The following NPAS3 variants were observed in gnomAD, a reference collection of about 807,000 sequenced individuals.
NPAS3 encodes neuronal PAS domain-containing protein 3.
NPAS3 carries 14 observed loss-of-function variants against 73.1 expected under a neutral mutation model. That is an observed-to-expected ratio of 0.19 (90% CI 0.13 to 0.30). The LOEUF (loss-of-function observed/expected upper bound fraction) is 0.30, where lower values mean the gene tolerates loss of function less well. Among genes scored for constraint, NPAS3 ranks in the 10% least tolerant of loss-of-function variants. The pLI is 1.00. For synonymous variants in NPAS3, 620 were observed against 541.5 expected (o/e 1.14, Z -2.01); for missense variants, 1,096 against 1,250.0 (o/e 0.88, Z 1.86).
intron 4 of NPAS3, among the ~76,000 whole-genome samples, chr14:33,549,255 G>A (rs1018562683): frequency 3.9e-5 from 6 of 152,024 alleles, no homozygotes; most frequent in Non-Finnish European, 7.4e-5. Flanking sequence ...CTTTTGAGAC[G>A]GGGTCTCACT....
chr14:33,308,527 T>TATATATATATATAGACACAC, intron 3 of NPAS3, among the ~76,000 whole-genome samples: 1 of 103,724 alleles, frequency 9.6e-6, no homozygotes, highest in African/African-American at 4.6e-5. Context: ...TATATATATA[T>TATATATATATATAGACACAC]ACATACACAC....
chr14:33,459,732 G>A (rs944673433), intron 4 of NPAS3, among the ~76,000 whole-genome samples: 2 of 152,138 alleles, frequency 1.3e-5, no homozygotes, highest in African/African-American at 4.8e-5. Context: ...TATTTTGAAG[G>A]CAAACATTGT....
At chr14:33,648,873 C>T (rs2058909604) in intron 5 of NPAS3, among the ~76,000 whole-genome samples, 1 of 152,158 alleles carries the variant, frequency 6.6e-6, no homozygotes, top group Admixed American at 6.5e-5. Flanking sequence ...GTCAATGTCC[C>T]ATTGGTGCTG....
intron 3 of NPAS3, among the ~76,000 whole-genome samples, chr14:33,236,014 C>T (rs1400587347): frequency 6.6e-6 from 1 of 151,608 alleles, no homozygotes; most frequent in Non-Finnish European, 1.5e-5. Context: ...CTGGTCACAA[C>T]ATGATACAAT....
intron 1 of NPAS3, among the ~76,000 whole-genome samples, chr14:33,050,455 C>T (rs1307208252): frequency 6.6e-6 from 1 of 152,170 alleles, no homozygotes; most frequent in Non-Finnish European, 1.5e-5. Context: ...CCTCCCCTGG[C>T]TCCTTGTCCC....
intron 5 of NPAS3, among the ~76,000 whole-genome samples, chr14:33,661,549 A>G (rs2059308801): frequency 6.6e-6 from 1 of 152,214 alleles, no homozygotes; most frequent in African/African-American, 2.4e-5. Flanking sequence ...GAATATTACA[A>G]TACATATTAT....
intron 4 of NPAS3, among the ~76,000 whole-genome samples, chr14:33,417,668 T>C (rs938847040): frequency 6.6e-6 from 1 of 152,024 alleles, no homozygotes; most frequent in Non-Finnish European, 1.5e-5. Context: ...CACCAGGTCA[T>C]TGATACTATT....
chr14:33,558,001 A>G (rs2055443626), intron 4 of NPAS3, among the ~76,000 whole-genome samples: 1 of 152,204 alleles, frequency 6.6e-6, no homozygotes, highest in African/African-American at 2.4e-5. Context: ...TAATAATACT[A>G]TAATTTCATA....
At chr14:33,771,759 C>T (rs920275536) in intron 7 of NPAS3, among the ~76,000 whole-genome samples, 1 of 151,586 alleles carries the variant, frequency 6.6e-6, no homozygotes, top group Non-Finnish European at 1.5e-5. Context: ...TGCAGTGAGC[C>T]GAGATCACGC....
intron 2 of NPAS3, among the ~76,000 whole-genome samples, chr14:33,169,141 T>G (rs905341742): frequency 6.6e-6 from 1 of 152,214 alleles, no homozygotes; most frequent in African/African-American, 2.4e-5. Flanking sequence ...GGCAAAATGA[T>G]AGCTTTTCCT....
intron 9 of NPAS3, among the ~76,000 whole-genome samples, chr14:33,786,786 A>G (rs1016566214): frequency 1.1e-4 from 17 of 152,298 alleles, no homozygotes; most frequent in South Asian, 1.0e-3. Flanking sequence ...CTTGAGTTTC[A>G]TTGCCCAGTG....
intron 4 of NPAS3, among the ~76,000 whole-genome samples, chr14:33,447,327 T>C (rs1241504540): frequency 6.6e-6 from 1 of 152,172 alleles, no homozygotes; most frequent in Non-Finnish European, 1.5e-5. Context: ...ACAACCTGGC[T>C]ATAGTTTAGA....
intron 4 of NPAS3, among the ~76,000 whole-genome samples, chr14:33,503,619 T>C (rs7158891): frequency 0.53 from 80,189 of 151,636 alleles, 21,529 homozygotes; most frequent in South Asian, 0.69. Context: ...AGCCTTATAT[T>C]CTCATATATA....
chr14:33,101,325 C>T (rs1032675869), intron 2 of NPAS3, among the ~76,000 whole-genome samples: 1 of 151,956 alleles, frequency 6.6e-6, no homozygotes, highest in Non-Finnish European at 1.5e-5. Flanking sequence ...AGTTATAAAT[C>T]CTTATCTTTA....
At chr14:33,528,589 T>G (rs1053266866) in intron 4 of NPAS3, among the ~76,000 whole-genome samples, 1 of 152,024 alleles carries the variant, frequency 6.6e-6, no homozygotes, top group African/African-American at 2.4e-5. Flanking sequence ...AAATCCTTCA[T>G]GCTTTTGTCA....
chr14:33,081,803 G>C (rs1039200497), intron 2 of NPAS3, among the ~76,000 whole-genome samples: 1 of 152,142 alleles, frequency 6.6e-6, no homozygotes, highest in Non-Finnish European at 1.5e-5. Flanking sequence ...GGGTGTCCAT[G>C]AATCAATTTG....
At chr14:33,498,751 G>A (rs1014796992) in intron 4 of NPAS3, among the ~76,000 whole-genome samples, 9 of 151,926 alleles carry the variant, frequency 5.9e-5, no homozygotes, top group Non-Finnish European at 8.8e-5. Context: ...GGGTTGATGG[G>A]TGCAGCAAAG....
At chr14:33,478,172 T>C (rs1244635771) in intron 4 of NPAS3, among the ~76,000 whole-genome samples, 1 of 152,126 alleles carries the variant, frequency 6.6e-6, no homozygotes, top group East Asian at 1.9e-4. Context: ...AGTGTTACGG[T>C]GAACTGGGAG....
chr14:33,498,989 T>TGTGTGC (rs2052379284), intron 4 of NPAS3, among the ~76,000 whole-genome samples: 1 of 118,234 alleles, frequency 8.5e-6, no homozygotes. Context: ...TGTGTGTGTG[T>TGTGTGC]GGTGGGAAGG....
Sources: allele counts gnomAD v4.1 joint callset (sites outside exome capture counted in the v4.1 genomes callset), GRCh38; gene constraint gnomAD v4.1.1; transcripts MANE v1.5; gene names NCBI Gene and HGNC (gene_info 2026-07-23, HGNC 2026-07-21).